The following LYRM4 variants were observed in gnomAD, a reference collection of about 807,000 sequenced individuals.
LYRM4 encodes the protein LYR motif containing 4.
In LYRM4, 9 loss-of-function variants were observed where a neutral mutation model predicts 11.7. That is an observed-to-expected ratio of 0.77 (90% CI 0.46 to 1.34). The LOEUF (loss-of-function observed/expected upper bound fraction) is 1.34. Among genes scored for constraint, LYRM4 ranks in the 40% most tolerant of loss-of-function variants. The pLI is 0.00. For missense variants in LYRM4, 133 were observed against 112.5 expected, an observed-to-expected ratio of 1.18 and a Z score of -0.82; for synonymous variants, 42 against 40.4, an observed-to-expected ratio of 1.04 and a Z score of -0.15.
At chr6:5,056,694 A>G in the LYRM4 span, among the ~76,000 whole-genome samples, 1 of 152,200 alleles carries the variant, frequency 6.6e-6, no homozygotes, top group African/African-American at 2.4e-5. Context: ...GTATTTCAAA[A>G]TTATCATTTT....
chr6:5,193,161 A>T (rs1760861253), intron 2 of LYRM4, among the ~76,000 whole-genome samples: 2 of 152,228 alleles, frequency 1.3e-5, no homozygotes, highest in Admixed American at 6.5e-5. Context: ...GAGAGGGCTG[A>T]CATGACAAAC....
At chr6:5,204,010 C>A (rs949441443) in intron 2 of LYRM4, among the ~76,000 whole-genome samples, 3 of 152,190 alleles carry the variant, frequency 2.0e-5, no homozygotes, top group Non-Finnish European at 4.4e-5. Context: ...GTGTGCCTCA[C>A]AAACATTGTC....
intron 1 of LYRM4, among the ~76,000 whole-genome samples, chr6:5,243,955 T>C (rs986385029): frequency 6.6e-6 from 1 of 152,256 alleles, no homozygotes; most frequent in Admixed American, 6.5e-5. Context: ...TAACTTTTCC[T>C]TACGTTCTTA....
chr6:5,031,832 A>C, the LYRM4 span: 3 of 152,204 alleles, frequency 2.0e-5, no homozygotes, highest in African/African-American at 7.2e-5. Flanking sequence ...ATCATATACA[A>C]TTTATTAATA....
the LYRM4 span, chr6:5,085,348 T>A: frequency 6.4e-6 from 4 of 628,074 alleles, no homozygotes; most frequent in African/African-American, 7.7e-5. Context: ...CTACGTTGTC[T>A]TGTCGAGCCT....
chr6:5,072,812 A>G, the LYRM4 span, among the ~76,000 whole-genome samples: 4 of 152,160 alleles, frequency 2.6e-5, no homozygotes, highest in South Asian at 2.1e-4. Flanking sequence ...TTTTCTAATT[A>G]TAGGTGATCA....
At chr6:5,129,564 T>C (rs1763849906) in intron 2 of LYRM4, among the ~76,000 whole-genome samples, 1 of 152,144 alleles carries the variant, frequency 6.6e-6, no homozygotes, top group Admixed American at 6.5e-5. Context: ...CTTAGAAGAA[T>C]AGTTGTGATT....
chr6:5,103,144 A>G (rs1419898436), downstream of LYRM4: 1 of 152,202 alleles, frequency 6.6e-6, no homozygotes, highest in Non-Finnish European at 1.5e-5. Flanking sequence ...ACTTTAGGTA[A>G]ACTCTCCAAG....
intron 2 of LYRM4, among the ~76,000 whole-genome samples, chr6:5,111,385 G>A (rs1281966159): frequency 6.6e-6 from 1 of 152,230 alleles, no homozygotes; most frequent in Non-Finnish European, 1.5e-5. Flanking sequence ...ACATTCACGA[G>A]TACTTGACAG....
chr6:5,159,217 C>G (rs1758605228), intron 2 of LYRM4, among the ~76,000 whole-genome samples: 1 of 152,202 alleles, frequency 6.6e-6, no homozygotes, highest in Non-Finnish European at 1.5e-5. Context: ...GGGTGGGCCC[C>G]AGACACGTAT....
intron 2 of LYRM4, among the ~76,000 whole-genome samples, chr6:5,110,478 T>C (rs1157295557): frequency 6.6e-6 from 1 of 152,216 alleles, no homozygotes; most frequent in Non-Finnish European, 1.5e-5. Flanking sequence ...TGTCCTGTTT[T>C]CCATGCCATT....
chr6:5,057,062 A>T, the LYRM4 span, among the ~76,000 whole-genome samples: 11 of 152,200 alleles, frequency 7.2e-5, no homozygotes, highest in African/African-American at 2.7e-4. Flanking sequence ...GGATATTTTT[A>T]AGTGATACGG....
At chr6:5,163,481 T>C (rs1212716010) in intron 2 of LYRM4, among the ~76,000 whole-genome samples, 1 of 151,596 alleles carries the variant, frequency 6.6e-6, no homozygotes, top group African/African-American at 2.4e-5. Context: ...TGGCATCTGG[T>C]GGCAGAAGCA....
rs137866832 is a variant in LYRM4, at chr6:5,124,665, T to C, written c.208-15174A>G. On this transcript the variant is annotated intron_variant, in intron 2 of 2. Coordinates refer to ENST00000330636, the MANE Select transcript of LYRM4 (RefSeq NM_020408.6). ...AAAGGATCAACAGTGGGCGGCAGAC[T>C]TCATCCTGACAGGGGCGGGCCCTCC... Among the ~76,000 whole-genome samples, 672 of 152,266 alleles carry C rather than the reference T, an allele frequency of 4.4e-3. 3 individuals are homozygous for C. The highest frequency in any genetic ancestry group is 0.015 in the African/African-American group (642 of 41,550).
Position 5,241,425 on chromosome 6 carries a change from C to T in LYRM4, c.86+19223G>A, listed in dbSNP as rs141657953. On this transcript the variant is annotated intron_variant, in intron 1 of 2. Transcript: ENST00000330636. ...AGATCCCTAAGGCAGTAAACAGTCT[C>T]GTAGGCAAGTACAGACTTTATTAGC... is the stretch of plus-strand genomic sequence containing the variant. Among the ~76,000 whole-genome samples, 472 of 152,302 alleles carry T rather than the reference C, an allele frequency of 3.1e-3. 2 individuals are homozygous for T. The highest frequency in any genetic ancestry group is 0.011 in the African/African-American group (456 of 41,560).
chr6:5,251,076 T>C (rs993657077), intron 1 of LYRM4, among the ~76,000 whole-genome samples: 1 of 152,234 alleles, frequency 6.6e-6, no homozygotes, highest in Admixed American at 6.5e-5. Context: ...CGTCCTTATA[T>C]GTACATTGCA....
chr6:5,085,955 C>G, the LYRM4 span: 13 of 1,526,980 alleles, frequency 8.5e-6, no homozygotes, highest in South Asian at 9.6e-5. Flanking sequence ...CCGCAGGTGC[C>G]GCCCGCCGTG....
chr6:5,144,915 A>G (rs1217468251), intron 2 of LYRM4, among the ~76,000 whole-genome samples: 1 of 152,216 alleles, frequency 6.6e-6, no homozygotes, highest in Non-Finnish European at 1.5e-5. Context: ...TTGACGCGAC[A>G]TGGGAAGCAG....
chr6:5,169,320 T>C (rs1158477971), intron 2 of LYRM4, among the ~76,000 whole-genome samples: 1 of 152,136 alleles, frequency 6.6e-6, no homozygotes, highest in Non-Finnish European at 1.5e-5. Context: ...GAGATAAAAC[T>C]GGCCAGAATA....
Sources: gnomAD v4.1 joint callset for allele counts (sites outside exome capture counted in the v4.1 genomes callset) on GRCh38, gnomAD v4.1.1 for gene constraint, MANE v1.5 for transcripts, NCBI Gene and HGNC (gene_info 2026-07-23, HGNC 2026-07-21) for gene names.